The following RIN3 variants were observed in gnomAD, a reference collection of about 807,000 sequenced individuals.
RIN3 encodes Ras and Rab interactor 3, also known as RAB5 interacting protein 3.
RIN3 carries 54 observed loss-of-function variants against 76.3 expected under a neutral mutation model. The ratio of observed to expected loss-of-function variants is 0.71; its 90% confidence interval spans 0.57 to 0.89. RIN3 has a LOEUF of 0.89. Among genes scored for constraint, RIN3 ranks in the 40% least tolerant of loss-of-function variants. The pLI is 0.00. For synonymous variants in RIN3, 576 were observed against 564.0 expected (o/e 1.02, Z -0.30); for missense variants, 1,256 against 1,322.1 (o/e 0.95, Z 0.78).
At chr14:92,564,467 A>C (rs758388624) in intron 2 of RIN3, among the ~76,000 whole-genome samples, 40 of 152,190 alleles carry the variant, frequency 2.6e-4, no homozygotes, top group Admixed American at 2.3e-3. Context: ...CTGATGCTAC[A>C]AGAGTATCTT....
intron 1 of RIN3, among the ~76,000 whole-genome samples, chr14:92,542,835 A>G (rs1487756837): frequency 6.6e-6 from 1 of 152,240 alleles, no homozygotes; most frequent in East Asian, 1.9e-4. Flanking sequence ...GCCAGACACA[A>G]AGGACCACAT....
At chr14:92,661,978 C>T (rs1887905290) in intron 7 of RIN3, among the ~76,000 whole-genome samples, 1 of 152,168 alleles carries the variant, frequency 6.6e-6, no homozygotes, top group African/African-American at 2.4e-5. Flanking sequence ...GTAAACTCTG[C>T]AACTGAGTAA....
At chr14:92,537,298 T>A (rs930730640) in intron 1 of RIN3, among the ~76,000 whole-genome samples, 9 of 152,154 alleles carry the variant, frequency 5.9e-5, no homozygotes, top group African/African-American at 2.2e-4. Context: ...CCACCCACCC[T>A]AGGAATCTTT....
At chr14:92,571,570 C>T (rs1352712479) in intron 2 of RIN3, among the ~76,000 whole-genome samples, 1 of 152,192 alleles carries the variant, frequency 6.6e-6, no homozygotes, top group Non-Finnish European at 1.5e-5. Flanking sequence ...AATTTTCTGA[C>T]ACCGGCTGGG....
intron 3 of RIN3, among the ~76,000 whole-genome samples, chr14:92,613,180 C>T (rs1338086358): frequency 6.6e-6 from 1 of 152,198 alleles, no homozygotes; most frequent in Non-Finnish European, 1.5e-5. Flanking sequence ...GATGGAACCT[C>T]TGTCTCCCCT....
Position 92,688,869 on chromosome 14 carries a change from C to T in RIN3, c.*617C>T, listed in dbSNP as rs1303090240. 1 of 153,570 alleles carries T rather than the reference C, an allele frequency of 6.5e-6. No homozygotes were observed. The highest frequency in any genetic ancestry group is 1.4e-5 in the Non-Finnish European group (1 of 69,130). The allele number at this position is 153,570 out of a possible 1,614,324, so 9.5% of individuals were successfully genotyped here. On this transcript the variant is annotated 3_prime_UTR_variant, in exon 10 of 10. Coordinates refer to ENST00000216487, the MANE Select transcript of RIN3 (RefSeq NM_024832.5). The stretch of plus-strand genomic sequence containing the variant: ...CCAAGCACGGCCAGCTCCGCGGACC[C>T]ATGGACAAGCCCAGCCCCGCCTCAG...
At chr14:92,582,442 C>CTTT (rs35072092) in intron 3 of RIN3, among the ~76,000 whole-genome samples, 1,415 of 117,512 alleles carry the variant, frequency 0.012, 46 homozygotes, top group South Asian at 0.016. Context: ...TCCTTTTTTA[C>CTTT]TTTTTTTTTT....
At chr14:92,558,209 C>G (rs1897655697) in intron 2 of RIN3, among the ~76,000 whole-genome samples, 3 of 152,066 alleles carry the variant, frequency 2.0e-5, no homozygotes, top group Admixed American at 2.0e-4. Context: ...ATTAGCCAGG[C>G]ACGGAAGTGT....
At chr14:92,661,416 C>T (rs567391782) in intron 7 of RIN3, among the ~76,000 whole-genome samples, 8 of 152,102 alleles carry the variant, frequency 5.3e-5, no homozygotes, top group Admixed American at 2.6e-4. Context: ...TTGTGTCCTG[C>T]GACCATGTGT....
In RIN3 at chr14:92,688,219, C is replaced by G; in HGVS notation, c.2925C>G (p.Pro975=). 6.2e-7 allele frequency: 1 copy of G among 1,601,328 alleles called. No homozygotes were observed. The highest frequency in any genetic ancestry group is 8.5e-7 in the Non-Finnish European group (1 of 1,175,656). The part of the protein sequence containing the change: ...GGGGGGGGSP[P]CLVVREPNFL ...GCGGCGGCGGCGGCGGGAGCCCGCC[C>G]TGCCTGGTGGTGCGGGAGCCCAACT... The change falls in exon 10 of 10, where the codon CCC becomes CCG. Residue 975 remains proline, a synonymous_variant. Coordinates refer to ENST00000216487, the MANE Select transcript of RIN3 (RefSeq NM_024832.5).
At chr14:92,621,835 C>G (rs1198304024) in intron 4 of RIN3, among the ~76,000 whole-genome samples, 1 of 152,182 alleles carries the variant, frequency 6.6e-6, no homozygotes, top group Non-Finnish European at 1.5e-5. Context: ...TATACACACA[C>G]ATAAATGAAA....
chr14:92,560,131 T>C (rs1438023904), intron 2 of RIN3, among the ~76,000 whole-genome samples: 1 of 152,176 alleles, frequency 6.6e-6, no homozygotes, highest in Non-Finnish European at 1.5e-5. Context: ...CCAGCTTCAG[T>C]GGTGCGAGAA....
intron 3 of RIN3, among the ~76,000 whole-genome samples, chr14:92,597,490 G>C (rs1885192402): frequency 6.6e-6 from 1 of 152,210 alleles, no homozygotes; most frequent in Non-Finnish European, 1.5e-5. Flanking sequence ...GAAGCCAACA[G>C]ACAGGCAGAC....
chr14:92,677,205 A>G (rs1888499028), intron 8 of RIN3, among the ~76,000 whole-genome samples: 1 of 152,204 alleles, frequency 6.6e-6, no homozygotes, highest in Non-Finnish European at 1.5e-5. Context: ...GGATGAAGGC[A>G]GAGGTGTGGT....
At chr14:92,670,731 G>A (rs747678120) in intron 7 of RIN3, among the ~76,000 whole-genome samples, 4 of 152,318 alleles carry the variant, frequency 2.6e-5, no homozygotes, top group Non-Finnish European at 5.9e-5. Context: ...TTTCCTCACA[G>A]TGTGGTTGGG....
chr14:92,683,869 A>G (rs987097182), intron 8 of RIN3, among the ~76,000 whole-genome samples: 1 of 152,238 alleles, frequency 6.6e-6, no homozygotes, highest in Admixed American at 6.5e-5. Flanking sequence ...ATGCATTCAC[A>G]TGGCTCAAAA....
chr14:92,638,850 C>T (rs1055511626), intron 4 of RIN3, among the ~76,000 whole-genome samples: 10 of 152,174 alleles, frequency 6.6e-5, no homozygotes, highest in African/African-American at 2.4e-4. Context: ...AGGCCACTCC[C>T]GAGACCTGAG....
chr14:92,666,325 T>C (rs1888103489), intron 7 of RIN3, among the ~76,000 whole-genome samples: 1 of 152,142 alleles, frequency 6.6e-6, no homozygotes, highest in East Asian at 1.9e-4. Context: ...AGACACAAGA[T>C]CTGGGTTAAC....
chr14:92,581,007 C>T (rs576221740), intron 3 of RIN3, among the ~76,000 whole-genome samples: 52 of 152,282 alleles, frequency 3.4e-4, no homozygotes, highest in African/African-American at 1.0e-3. Context: ...TTGACCTCTC[C>T]GTCTTGTGAA....
Sources: allele counts gnomAD v4.1 joint callset (sites outside exome capture counted in the v4.1 genomes callset), GRCh38; gene constraint gnomAD v4.1.1; transcripts MANE v1.5; gene names NCBI Gene and HGNC (gene_info 2026-07-23, HGNC 2026-07-21).